PTBP2: variants seen among roughly 807,000 people sequenced by gnomAD.
PTBP2 encodes polypyrimidine tract binding protein 2.
Under a neutral mutation model 61.4 loss-of-function variants are expected in PTBP2, and 13 were observed. The observed-to-expected ratio is 0.21, with a 90% CI of 0.14 to 0.34. The LOEUF (loss-of-function observed/expected upper bound fraction) is 0.34, where lower values mean the gene tolerates loss of function less well. Among genes scored for constraint, PTBP2 ranks in the 10% least tolerant of loss-of-function variants. The probability of loss-of-function intolerance (pLI) is 1.00; values close to 1 mark genes in which losing one functional copy is unlikely to be tolerated. For missense variants in PTBP2, 405 were observed against 642.6 expected, an observed-to-expected ratio of 0.63 and a Z score of 4.00; for synonymous variants, 215 against 218.5, an observed-to-expected ratio of 0.98 and a Z score of 0.14.
intron 2 of PTBP2, among the ~76,000 whole-genome samples, chr1:96,743,735 C>T (rs1369487123): frequency 5.3e-5 from 8 of 152,112 alleles, no homozygotes; most frequent in African/African-American, 1.7e-4. Context: ...CTGTTAGTAT[C>T]GTCGCAACAG....
intron 5 of PTBP2, chr1:96,771,416 A>G (rs1657366529): frequency 1.3e-5 from 2 of 151,956 alleles, no homozygotes; most frequent in African/African-American, 4.8e-5. Flanking sequence ...GTTTTAATAT[A>G]GTTTTAAAAC....
chr1:96,746,161 T>C (rs1653736145), intron 2 of PTBP2, among the ~76,000 whole-genome samples: 1 of 152,214 alleles, frequency 6.6e-6, no homozygotes. Flanking sequence ...GGTGCATTTA[T>C]GCAAGCGTTT....
chr1:96,804,746 T>G, intron 8 of PTBP2, 54 bp from the exon 9 acceptor site: 9 of 1,536,230 alleles, frequency 5.9e-6, no homozygotes, highest in Non-Finnish European at 8.0e-6. Context: ...GTAAACGACT[T>G]GTGTGTGTTT....
At chr1:96,762,940 G>A (rs1185840787) in intron 3 of PTBP2, among the ~76,000 whole-genome samples, 18 of 151,840 alleles carry the variant, frequency 1.2e-4, no homozygotes, top group Non-Finnish European at 1.8e-4. Context: ...CATCCCAGAC[G>A]GGGCGGCGGG....
intron 8 of PTBP2, among the ~76,000 whole-genome samples, chr1:96,798,465 AG>A (rs1207786030): frequency 6.6e-6 from 1 of 152,252 alleles, no homozygotes; most frequent in African/African-American, 2.4e-5. Flanking sequence ...TCTTCTGTTC[AG>A]TAGTACACAA....
intron 3 of PTBP2, among the ~76,000 whole-genome samples, chr1:96,760,755 T>A (rs189394473): frequency 6.6e-6 from 1 of 152,164 alleles, no homozygotes; most frequent in East Asian, 1.9e-4. Context: ...TAGTTTACTA[T>A]TTTCTTACGG....
At chr1:96,797,151 C>T (rs564202827) in intron 8 of PTBP2, among the ~76,000 whole-genome samples, 1 of 150,282 alleles carries the variant, frequency 6.7e-6, no homozygotes, top group East Asian at 2.0e-4. Flanking sequence ...GATTGGGTGG[C>T]ATTGACATCG....
At chr1:96,781,116 A>T (rs1213935061) in intron 7 of PTBP2, among the ~76,000 whole-genome samples, 1 of 152,028 alleles carries the variant, frequency 6.6e-6, no homozygotes, top group East Asian at 1.9e-4. Context: ...ATTGGCATAA[A>T]TTTTGACACA....
At chr1:96,819,265 T>G (rs545789187), downstream of PTBP2, 6 of 152,176 alleles carry the variant, frequency 3.9e-5, no homozygotes, top group African/African-American at 1.4e-4. Context: ...CCTTACTGAA[T>G]GATGACTGAT....
chr1:96,779,676 C>G (rs1658433438), intron 7 of PTBP2, among the ~76,000 whole-genome samples: 1 of 152,064 alleles, frequency 6.6e-6, no homozygotes, highest in African/African-American at 2.4e-5. Flanking sequence ...AATTGTTTTA[C>G]TAAGTACTTA....
At chr1:96,732,697 A>C (rs917174844) in intron 2 of PTBP2, among the ~76,000 whole-genome samples, 2 of 152,214 alleles carry the variant, frequency 1.3e-5, no homozygotes, top group African/African-American at 4.8e-5. Context: ...TTGGGTTGGT[A>C]GGCTCAGAAT....
intron 7 of PTBP2, among the ~76,000 whole-genome samples, chr1:96,779,578 A>C (rs1414658381): frequency 6.6e-6 from 1 of 152,092 alleles, no homozygotes; most frequent in African/African-American, 2.4e-5. Flanking sequence ...GATACTAAGC[A>C]TCCAACTATG....
chr1:96,723,710 A>G (rs904721613), intron 2 of PTBP2, 116 bp downstream of exon 2: 2 of 877,970 alleles, frequency 2.3e-6, no homozygotes, highest in East Asian at 2.5e-5. Context: ...CAAGTGTAAA[A>G]TGTTTCCTTT....
chr1:96,772,358 A>G (rs1346609082), intron 5 of PTBP2, among the ~76,000 whole-genome samples: 3 of 152,222 alleles, frequency 2.0e-5, no homozygotes, highest in Non-Finnish European at 4.4e-5. Context: ...GCCATCAGTC[A>G]ACTCATTAGC....
chr1:96,743,962 AAGGTCAGG>A (rs1292679145), intron 2 of PTBP2, among the ~76,000 whole-genome samples: 4 of 152,070 alleles, frequency 2.6e-5, no homozygotes, highest in Non-Finnish European at 4.4e-5. Context: ...GTTGGATCAC[AAGGTCAGG>A]AGCTTGAGAC....
At chr1:96,788,950 A>G (rs1659491869) in intron 8 of PTBP2, among the ~76,000 whole-genome samples, 2 of 152,068 alleles carry the variant, frequency 1.3e-5, no homozygotes, top group Non-Finnish European at 2.9e-5. Flanking sequence ...CATAATCACA[A>G]ATGTGGCCGA....
At chr1:96,792,594 C>CT (rs950485217) in intron 8 of PTBP2, among the ~76,000 whole-genome samples, 46 of 150,734 alleles carry the variant, frequency 3.1e-4, no homozygotes, top group South Asian at 6.3e-4. Context: ...TTTTAGCTTG[C>CT]TTTTTTTTTA....
chr1:96,751,506 T>C lies in PTBP2; in HGVS notation c.115+6T>C. The C allele has an allele frequency of 6.2e-7, 1 of 1,607,262 alleles. No individual in the cohort carries two copies. The stretch of plus-strand genomic sequence containing the variant: ...GAGCAGCATGGTAGTTACAGGTAAG[T>C]GTTACTCTCTTAGCAGTCTGTCATT... On this transcript the variant is annotated splice_donor_region_variant and intron_variant, in intron 3 of 13. Coordinates refer to ENST00000674951, the MANE Select transcript of PTBP2 (RefSeq NM_021190.4).
chr1:96,764,021 G>A (rs1182357004), intron 3 of PTBP2, among the ~76,000 whole-genome samples: 1 of 152,194 alleles, frequency 6.6e-6, no homozygotes, highest in Non-Finnish European at 1.5e-5. Context: ...ATATAGTACA[G>A]GATTTCATTT....
Sources: gnomAD v4.1 joint callset for allele counts (sites outside exome capture counted in the v4.1 genomes callset) on GRCh38, gnomAD v4.1.1 for gene constraint, MANE v1.5 for transcripts, NCBI Gene and HGNC (gene_info 2026-07-23, HGNC 2026-07-21) for gene names.